Variants in LINGO2 observed in about 807,000 individuals in gnomAD.
The protein encoded by LINGO2 is leucine rich repeat and Ig domain containing 2.
A neutral mutation model predicts 30.6 loss-of-function variants in LINGO2; 14 were observed. That is an observed-to-expected ratio of 0.46 (90% confidence interval 0.30 to 0.72). The LOEUF is 0.72. Ranked by LOEUF, LINGO2 falls within the 30% of genes least tolerant of loss-of-function variation. The pLI, the probability that LINGO2 is intolerant of heterozygous loss-of-function variation, is 0.07. For missense variants in LINGO2, 729 were observed against 751.7 expected, an observed-to-expected ratio of 0.97 and a Z score of 0.35; for synonymous variants, 317 against 288.5, an observed-to-expected ratio of 1.10 and a Z score of -1.00.
At chr9:29,102,239 G>A in the LINGO2 span, among the ~76,000 whole-genome samples, 3 of 151,990 alleles carry the variant, frequency 2.0e-5, no homozygotes, top group African/African-American at 7.2e-5. Flanking sequence ...CCGTCACCAT[G>A]CCCGGCTAAT....
intron 2 of LINGO2, among the ~76,000 whole-genome samples, chr9:28,451,552 A>G (rs922925751): frequency 2.6e-5 from 4 of 151,760 alleles, no homozygotes; most frequent in African/African-American, 4.8e-5. Flanking sequence ...TCTTGCCACA[A>G]ATTGGGTTAG....
At chr9:28,374,176 C>A (rs751389578) in intron 2 of LINGO2, among the ~76,000 whole-genome samples, 42 of 147,130 alleles carry the variant, frequency 2.9e-4, no homozygotes, top group Non-Finnish European at 4.9e-4. Flanking sequence ...ATATATGTAA[C>A]ATGACTCTAC....
chr9:29,161,066 G>C, the LINGO2 span, among the ~76,000 whole-genome samples: 4 of 152,342 alleles, frequency 2.6e-5, no homozygotes, highest in African/African-American at 9.6e-5. Flanking sequence ...GGGCACAACA[G>C]GGCTCAACAT....
At chr9:28,388,894 C>G (rs1011376007) in intron 2 of LINGO2, among the ~76,000 whole-genome samples, 6 of 148,452 alleles carry the variant, frequency 4.0e-5, no homozygotes, top group Non-Finnish European at 9.0e-5. Flanking sequence ...CTCTTTCTCT[C>G]TTTCTCTCTC....
the LINGO2 span, among the ~76,000 whole-genome samples, chr9:29,000,005 C>T: frequency 6.6e-6 from 1 of 151,956 alleles, no homozygotes; most frequent in African/African-American, 2.4e-5. Context: ...TCCTGTTACT[C>T]ATGTCATACA....
intron 1 of LINGO2, among the ~76,000 whole-genome samples, chr9:28,549,818 A>G (rs1176058487): frequency 6.6e-6 from 1 of 151,554 alleles, no homozygotes; most frequent in African/African-American, 2.4e-5. Context: ...ATATTCATCC[A>G]TTTTGTTTTT....
intron 5 of LINGO2, among the ~76,000 whole-genome samples, chr9:27,959,470 A>G (rs1819733302): frequency 6.6e-6 from 1 of 151,720 alleles, no homozygotes; most frequent in African/African-American, 2.4e-5. Flanking sequence ...TTCGGTCAAA[A>G]ACGTTTTCTA....
chr9:28,637,420 C>T (rs900622891), intron 1 of LINGO2, among the ~76,000 whole-genome samples: 12 of 152,266 alleles, frequency 7.9e-5, no homozygotes, highest in Middle Eastern at 3.4e-3. Context: ...GAAGTATGGC[C>T]ATTTTCATGA....
chr9:28,244,464 A>G (rs965950819), intron 4 of LINGO2, among the ~76,000 whole-genome samples: 1 of 152,184 alleles, frequency 6.6e-6, no homozygotes, highest in Non-Finnish European at 1.5e-5. Flanking sequence ...TCAGAGTGGA[A>G]CTGAAGGAGA....
At chr9:28,042,579 TGAAA>T (rs1233041177) in intron 4 of LINGO2, among the ~76,000 whole-genome samples, 2 of 152,170 alleles carry the variant, frequency 1.3e-5, no homozygotes, top group Non-Finnish European at 2.9e-5. Context: ...GTCTAGGATA[TGAAA>T]GAAAGGTACA....
At chr9:28,463,055 A>G (rs1825146238) in intron 2 of LINGO2, among the ~76,000 whole-genome samples, 1 of 151,856 alleles carries the variant, frequency 6.6e-6, no homozygotes, top group African/African-American at 2.4e-5. Flanking sequence ...TACAAAAGAC[A>G]CTTCTGTTTT....
the LINGO2 span, among the ~76,000 whole-genome samples, chr9:29,064,682 ATATT>A: frequency 2.4e-4 from 37 of 152,168 alleles, no homozygotes; most frequent in South Asian, 4.8e-3. Context: ...TACAGTTATG[ATATT>A]ATGCTTTTTA....
chr9:28,967,429 C>A, the LINGO2 span, among the ~76,000 whole-genome samples: 1 of 152,192 alleles, frequency 6.6e-6, no homozygotes, highest in Middle Eastern at 3.4e-3. Flanking sequence ...AAAACTGAAG[C>A]AGAAGGAAAT....
At chr9:28,973,153 G>T in the LINGO2 span, among the ~76,000 whole-genome samples, 16 of 152,192 alleles carry the variant, frequency 1.1e-4, no homozygotes, top group Non-Finnish European at 1.9e-4. Flanking sequence ...CAAACCAAAA[G>T]AAATATATCA....
intron 3 of LINGO2, among the ~76,000 whole-genome samples, chr9:28,309,328 A>T (rs1303678986): frequency 6.6e-6 from 1 of 152,164 alleles, no homozygotes; most frequent in African/African-American, 2.4e-5. Flanking sequence ...AAACTATCAC[A>T]AGTACAAAAA....
At chr9:28,091,533 C>T (rs932383842) in intron 4 of LINGO2, among the ~76,000 whole-genome samples, 4 of 152,110 alleles carry the variant, frequency 2.6e-5, no homozygotes, top group Admixed American at 6.6e-5. Context: ...TTCCTTATAC[C>T]TTATACAAAA....
chr9:28,870,504 C>G, the LINGO2 span, among the ~76,000 whole-genome samples: 1 of 152,086 alleles, frequency 6.6e-6, no homozygotes, highest in Non-Finnish European at 1.5e-5. Context: ...CAGGACCCCA[C>G]AGACCAATGT....
At chr9:28,887,199 T>C in the LINGO2 span, among the ~76,000 whole-genome samples, 2 of 152,212 alleles carry the variant, frequency 1.3e-5, no homozygotes, top group South Asian at 2.1e-4. Context: ...AGATGCTCAA[T>C]AGAGATGTCT....
chr9:29,026,807 C>T, the LINGO2 span, among the ~76,000 whole-genome samples: 2 of 152,058 alleles, frequency 1.3e-5, no homozygotes, highest in Non-Finnish European at 2.9e-5. Context: ...ATAGCTGTTA[C>T]AGGTATCTAC....
Sources: gnomAD v4.1 joint callset for allele counts (sites outside exome capture counted in the v4.1 genomes callset) on GRCh38, gnomAD v4.1.1 for gene constraint, MANE v1.5 for transcripts, NCBI Gene and HGNC (gene_info 2026-07-23, HGNC 2026-07-21) for gene names.